Variants in HTT observed in about 807,000 individuals in gnomAD.
HTT encodes the protein huntington disease protein.
In HTT, 104 loss-of-function variants were observed where a neutral mutation model predicts 362.3. The ratio of observed to expected loss-of-function variants is 0.29; its 90% CI spans 0.24 to 0.34. The LOEUF (loss-of-function observed/expected upper bound fraction) is 0.34, where lower values mean the gene tolerates loss of function less well. Among genes scored for constraint, HTT ranks in the 10% least tolerant of loss-of-function variants. The pLI is 1.00. For missense variants in HTT, 3,301 were observed against 3,928.6 expected, an observed-to-expected ratio of 0.84 and a Z score of 4.27; for synonymous variants, 1,577 against 1,548.7, an observed-to-expected ratio of 1.02 and a Z score of -0.43.
chr4:3,238,463 C>A lies in HTT; in HGVS notation c.8908C>A (p.Pro2970Thr). 6.2e-7 allele frequency: 1 copy of A among 1,611,392 alleles called. No homozygotes were observed. Among genetic ancestry groups the A allele is most frequent in the African/African-American group, 1.3e-5 (1 of 75,018 alleles). ...VLFDRIRKGF[P>T]CEARVVARIL... is the part of the protein sequence containing the mutation. ...TCCTCCCAGGATCAGGAAAGGCTTT[C>A]CTTGTGAAGCCAGAGTGGTGGCCAG... Residue 2970 changes from proline (P) to threonine (T), a missense_variant, in exon 65 of 67, where the codon CCT becomes ACT. Transcript: ENST00000355072.
At chr4:3,128,751 G>C (rs953394389) in intron 12 of HTT, 1 of 152,154 alleles carries the variant, frequency 6.6e-6, no homozygotes, top group African/African-American at 2.4e-5. Context: ...TTTATTTTCA[G>C]TTTTAAAAAC....
chr4:3,122,871 ACTTT>A lies in HTT; in HGVS notation c.1274-15_1274-12del. On this transcript the variant is annotated splice_polypyrimidine_tract_variant and intron_variant, in intron 9 of 66. Transcript: ENST00000355072. ...TTATCAGCTTGTTACTTTATCTGTC[ACTTT>A]CTGTGATTTGCAGCTGGAGGGGGTT... 6.3e-7 allele frequency: 1 copy of A among 1,595,838 alleles called. No individual in the cohort carries two copies. The highest frequency in any genetic ancestry group is 2.3e-5 in the East Asian group (1 of 44,418).
Position 3,116,873 on chromosome 4 carries a change from A to G in HTT, c.1068+610A>G, listed in dbSNP as rs531300109. On this transcript the variant is annotated intron_variant, in intron 8 of 66. Coordinates refer to ENST00000355072, the MANE Select transcript of HTT (RefSeq NM_001388492.1). ...ACTAACTATGTAACCATGCAGCCTCATTTTAAGCAATTGGATTTTTTGAAC... is the reference window on the plus strand; with the variant it reads ...ACTAACTATGTAACCATGCAGCCTCGTTTTAAGCAATTGGATTTTTTGAAC... Among the ~76,000 whole-genome samples the G allele has an allele frequency of 2.0e-5, 3 of 152,356 alleles. No homozygotes were observed. The South Asian group carries it at 6.2e-4, about 32-fold the overall frequency.
chr4:3,143,989 A>C (rs151230014), intron 23 of HTT, among the ~76,000 whole-genome samples: 59 of 152,342 alleles, frequency 3.9e-4, no homozygotes, highest in African/African-American at 1.4e-3. Context: ...AATTATGTAC[A>C]TATGCTAGTA....
chr4:3,134,497 G>C lies in HTT; in HGVS notation c.2590G>C (p.Val864Leu). The C allele has an allele frequency of 6.2e-7, 1 of 1,614,082 alleles. No individual in the cohort carries two copies. The highest frequency in any genetic ancestry group is 8.5e-7 in the Non-Finnish European group (1 of 1,179,936). Residue 864 changes from valine to leucine, a missense_variant, in exon 19 of 67, where the codon GTG (valine) becomes CTG (leucine). This residue lies in a region of HTT where 2,316 missense variants were observed against 2,658.5 expected (regional missense o/e 0.87). Transcript: ENST00000355072. Reference protein sequence around the residue: ...LTLRNSSYWLVRTELLETLAE... With the variant: ...LTLRNSSYWLLRTELLETLAE... ...TCTGAGGAACAGTTCCTATTGGCTG[G>C]TGAGGACAGAGCTTCTGGAAACCCT...
intron 29 of HTT, 55 bp downstream of exon 29, chr4:3,160,447 T>TTCTG: frequency 8.4e-7 from 1 of 1,191,914 alleles, no homozygotes; most frequent in Non-Finnish European, 1.2e-6. Context: ...GATGTGCGTC[T>TTCTG]TCTGGGCTGA....
Position 3,083,530 on chromosome 4 carries a change from T to TATATATATACAC in HTT, c.264-3408_264-3407insTATATATACACA, listed in dbSNP as rs1165543364. 9.9e-4 allele frequency among the ~76,000 whole-genome samples: 124 copies of TATATATATACAC among 125,214 alleles called. 1 individual carries two copies. Among genetic ancestry groups the TATATATATACAC allele is most frequent in the East Asian group, 5.0e-3 (19 of 3,814 alleles). The allele number at this position is 125,214 out of a possible 152,430, so 82.1% of individuals were successfully genotyped here. ...GAGAGTGAGACCCTGTCTCTAAATATACACACACACACACACACACACACA... is the reference window on the plus strand; with the variant it reads ...GAGAGTGAGACCCTGTCTCTAAATATATATATATACACACACACACACACACACACACACACA... On this transcript the variant is annotated intron_variant, in intron 1 of 66. Coordinates refer to ENST00000355072, the MANE Select transcript of HTT (RefSeq NM_001388492.1).
intron 34 of HTT, 134 bp from the exon 35 acceptor site, chr4:3,178,164 G>A (rs921523044): frequency 1.5e-6 from 1 of 686,212 alleles, no homozygotes; most frequent in African/African-American, 1.8e-5. Flanking sequence ...GGTGGGGTTA[G>A]AGTAGATCAC....
intron 64 of HTT, among the ~76,000 whole-genome samples, chr4:3,236,547 G>A (rs992717480): frequency 2.6e-5 from 4 of 152,180 alleles, no homozygotes; most frequent in Non-Finnish European, 5.9e-5. Context: ...TGTGGCAGGG[G>A]GCAGGAATGA....
At chr4:3,151,178 A>G (rs920201905) in intron 26 of HTT, among the ~76,000 whole-genome samples, 9 of 152,176 alleles carry the variant, frequency 5.9e-5, no homozygotes, top group African/African-American at 1.7e-4. Flanking sequence ...TCGTTCTCAC[A>G]CTTCTGTAAA....
chr4:3,083,530 TACACACACACACACACACACACACAC>T (rs56210756), intron 1 of HTT, among the ~76,000 whole-genome samples: 11 of 125,218 alleles, frequency 8.8e-5, no homozygotes, highest in East Asian at 5.2e-4. Context: ...TCTCTAAATA[TACACACACACACACACACACACACAC>T]ACACACACAC....
intron 12 of HTT, 29 bp downstream of exon 12, chr4:3,127,633 T>TTTTTTTA (rs755405417): frequency 6.7e-6 from 10 of 1,498,960 alleles, no homozygotes; most frequent in Non-Finnish European, 9.2e-6. Flanking sequence ...CTGACATCTT[T>TTTTTTTA]TTTTTTATTT....
At chr4:3,110,719 G>A (rs748719356) in intron 6 of HTT, among the ~76,000 whole-genome samples, 6 of 152,210 alleles carry the variant, frequency 3.9e-5, no homozygotes, top group South Asian at 2.1e-4. Context: ...AACGTGACCC[G>A]ATTCCTTAAC....
At chr4:3,174,585 T>C in intron 31 of HTT, 136 bp from the exon 32 acceptor site, 1 of 652,424 alleles carries the variant, frequency 1.5e-6, no homozygotes, top group East Asian at 2.9e-5. Context: ...TGAGTGGCCT[T>C]TCAAGTTGTT....
rs1434348075 is a variant in HTT, at chr4:3,074,760, G to C, written c.-66G>C. On this transcript the variant is annotated 5_prime_UTR_variant, in exon 1 of 67. Coordinates refer to ENST00000355072, the MANE Select transcript of HTT (RefSeq NM_001388492.1). The stretch of plus-strand genomic sequence containing the variant: ...GCCCAGAGCCCCATTCATTGCCCCG[G>C]TGCTGAGCGGCGCCGCGAGTCGGCC... 1 of 1,482,856 alleles carries C rather than the reference G, an allele frequency of 6.7e-7. No individual in the cohort carries two copies. The highest frequency in any genetic ancestry group is 2.8e-5 in the East Asian group (1 of 35,146). 91.9% of individuals were successfully genotyped at this position (1,482,856 alleles called of 1,614,324 possible).
rs1715573833 is a variant in HTT, at chr4:3,127,460, C to T, written c.1599C>T (p.Ser533=). Residue 533 remains serine (S), a synonymous_variant, in exon 12 of 67, where the codon AGC becomes AGT. Transcript: ENST00000355072. ...ATGAGGAGGATATCTTGAGCCACAG[C>T]TCCAGCCAGGTCAGCGCCGTCCCAT... The part of the protein sequence containing the change: ...DGDEEDILSH[S]SSQVSAVPSD... 1.2e-6 allele frequency: 2 copies of T among 1,614,074 alleles called. No homozygotes were observed. The highest frequency in any genetic ancestry group is 2.7e-5 in the African/African-American group (2 of 74,920).
chr4:3,115,242 T>G, intron 6 of HTT, 62 bp from the exon 7 acceptor site: 1 of 1,499,756 alleles, frequency 6.7e-7, no homozygotes, highest in Non-Finnish European at 9.2e-7. Flanking sequence ...AAGTTTTATG[T>G]AATACATGAT....
intron 22 of HTT, 104 bp from the exon 23 acceptor site, chr4:3,142,662 C>A: frequency 1.7e-6 from 1 of 600,502 alleles, no homozygotes; most frequent in South Asian, 2.8e-5. Flanking sequence ...GTTGAGACTG[C>A]TTAACTTTTT....
chr4:3,182,620 A>T, intron 37 of HTT, 150 bp downstream of exon 37: 1 of 652,694 alleles, frequency 1.5e-6, no homozygotes, highest in Non-Finnish European at 2.8e-6. Flanking sequence ...AGCTGACTTC[A>T]TTTCTTCTCA....
Sources: allele counts gnomAD v4.1 joint callset (sites outside exome capture counted in the v4.1 genomes callset), GRCh38; gene constraint gnomAD v4.1.1; regional missense constraint gnomAD v4.1.1; transcripts MANE v1.5; gene names NCBI Gene and HGNC (gene_info 2026-07-23, HGNC 2026-07-21).